Variants in PPP2R2A observed in about 807,000 individuals in gnomAD.
PPP2R2A encodes the protein protein phosphatase 2 regulatory subunit Balpha.
A neutral mutation model predicts 53.2 loss-of-function variants in PPP2R2A; 9 were observed. The observed-to-expected ratio is 0.17, with a 90% CI of 0.10 to 0.30. The LOEUF is 0.30. PPP2R2A is among the 10% of genes least tolerant of loss of function. The probability of loss-of-function intolerance (pLI) is 1.00; values close to 1 mark genes in which losing one functional copy is unlikely to be tolerated. For missense variants in PPP2R2A, 235 were observed against 534.6 expected, an observed-to-expected ratio of 0.44 and a Z score of 5.53; for synonymous variants, 169 against 174.2, an observed-to-expected ratio of 0.97 and a Z score of 0.23.
chr8:26,366,909 C>T (rs747530215), intron 9 of PPP2R2A, among the ~76,000 whole-genome samples: 33 of 151,930 alleles, frequency 2.2e-4, no homozygotes, highest in Non-Finnish European at 4.4e-4. Flanking sequence ...CCAGTTTTGC[C>T]GTAGTGTAAT....
At chr8:26,314,521 G>A (rs2117244905) in intron 2 of PPP2R2A, among the ~76,000 whole-genome samples, 1 of 152,220 alleles carries the variant, frequency 6.6e-6, no homozygotes, top group South Asian at 2.1e-4. Context: ...AGTGCTTTAT[G>A]GGAAAGGTTT....
chr8:26,369,025 A>G (rs1207642963), intron 9 of PPP2R2A, among the ~76,000 whole-genome samples: 6 of 150,388 alleles, frequency 4.0e-5, no homozygotes, highest in Admixed American at 1.3e-4. Flanking sequence ...GAAGAATGGC[A>G]TGAACCCAGG....
At chr8:26,330,455 G>A (rs2117297546) in intron 2 of PPP2R2A, among the ~76,000 whole-genome samples, 1 of 151,816 alleles carries the variant, frequency 6.6e-6, no homozygotes, top group Non-Finnish European at 1.5e-5. Context: ...GGCCTCCTGA[G>A]TAGCCGGGAC....
Position 26,360,821 on chromosome 8 carries a change from G to A in PPP2R2A, c.460-153G>A. ...TTCATTTTTTCTTCAGCACTCGAAA[G>A]GATCAACATCAGTTGCTTTTTAAAA... On this transcript the variant is annotated intron_variant, in intron 5 of 9. Coordinates refer to ENST00000380737, the MANE Select transcript of PPP2R2A (RefSeq NM_002717.4). The surrounding 1 kb of genome is among the most constrained non-coding windows in gnomAD (Gnocchi z 4.5). 1 of 636,636 alleles carries A rather than the reference G, an allele frequency of 1.6e-6. No individual in the cohort carries two copies. The highest frequency in any genetic ancestry group is 2.6e-5 in the South Asian group (1 of 39,184). 39.4% of individuals were successfully genotyped at this position (636,636 alleles called of 1,614,324 possible). A position where few individuals can be genotyped will look rare whatever the true frequency, so the allele number is the denominator to read the frequency against.
At chr8:26,306,673 G>A (rs745810859) in intron 2 of PPP2R2A, among the ~76,000 whole-genome samples, 2 of 151,828 alleles carry the variant, frequency 1.3e-5, no homozygotes, top group East Asian at 1.9e-4. Context: ...TAGTAACTAG[G>A]TTAAAAAAAT....
intron 1 of PPP2R2A, chr8:26,293,373 C>G: frequency 8.6e-7 from 1 of 1,158,912 alleles, no homozygotes; most frequent in Non-Finnish European, 1.2e-6. Context: ...TCTGGTAGGT[C>G]TTGCCTGAAT....
intron 3 of PPP2R2A, among the ~76,000 whole-genome samples, chr8:26,347,896 TTTCTC>T (rs1274624255): frequency 2.0e-5 from 3 of 152,192 alleles, no homozygotes; most frequent in African/African-American, 7.2e-5. Flanking sequence ...AGTTTTGAGA[TTTCTC>T]TTGTGTTTAT....
intron 3 of PPP2R2A, among the ~76,000 whole-genome samples, chr8:26,341,668 C>G (rs1803949125): frequency 6.6e-6 from 1 of 152,136 alleles, no homozygotes; most frequent in African/African-American, 2.4e-5. Flanking sequence ...GTTTCTTAGA[C>G]TCTGATGAGG....
chr8:26,337,698 G>A (rs2117323276), intron 2 of PPP2R2A, among the ~76,000 whole-genome samples: 1 of 152,254 alleles, frequency 6.6e-6, no homozygotes, highest in South Asian at 2.1e-4. Context: ...TTTTAACCTG[G>A]CGTTGAGTTG....
Position 26,360,766 on chromosome 8 carries a change from C to A in PPP2R2A, c.460-208C>A. The A allele has an allele frequency of 4.1e-6, 2 of 489,350 alleles. No individual in the cohort carries two copies. The highest frequency in any genetic ancestry group is 3.9e-5 in the South Asian group (1 of 25,670). 30.3% of individuals were successfully genotyped at this position (489,350 alleles called of 1,614,324 possible). A position where few individuals can be genotyped will look rare whatever the true frequency, so the allele number is the denominator to read the frequency against. On this transcript the variant is annotated intron_variant, in intron 5 of 9. Transcript: ENST00000380737. The surrounding 1 kb of genome is among the most constrained non-coding windows in gnomAD (Gnocchi z 4.5). ...ACTGCAAATTCTAATAGTATTGCAACCAGTAAAAGAAGATATATTATCCAC... is the reference window on the plus strand; with the variant it reads ...ACTGCAAATTCTAATAGTATTGCAAACAGTAAAAGAAGATATATTATCCAC...
chr8:26,369,515 C>T (rs772339500), intron 9 of PPP2R2A, among the ~76,000 whole-genome samples: 29 of 152,076 alleles, frequency 1.9e-4, no homozygotes, highest in Non-Finnish European at 3.1e-4. Flanking sequence ...CTCAGCCTCC[C>T]GAGTAGTTGG....
In PPP2R2A at chr8:26,360,301, A is replaced by G; in HGVS notation, c.459+20A>G. ...CTACGAGTAAGTACATAAGAAAAAA[A>G]TGTCACAGATAGTGCTTGTATTCAT... is the stretch of plus-strand genomic sequence containing the variant. On this transcript the variant is annotated intron_variant, in intron 5 of 9. Coordinates refer to ENST00000380737, the MANE Select transcript of PPP2R2A (RefSeq NM_002717.4). This position sits in a 1 kb window ranked among gnomAD's most constrained non-coding sequence, Gnocchi z 4.5. 7.0e-7 allele frequency: 1 copy of G among 1,436,566 alleles called. No homozygotes were observed. Among genetic ancestry groups the G allele is most frequent in the East Asian group, 2.3e-5 (1 of 43,908 alleles). The allele number at this position is 1,436,566 out of a possible 1,614,324, so 89.0% of individuals were successfully genotyped here.
chr8:26,329,652 G>A (rs1453961224), intron 2 of PPP2R2A, among the ~76,000 whole-genome samples: 1 of 152,130 alleles, frequency 6.6e-6, no homozygotes, highest in Non-Finnish European at 1.5e-5. Flanking sequence ...TTGTTCGATG[G>A]TCTGCATAGC....
intron 9 of PPP2R2A, among the ~76,000 whole-genome samples, chr8:26,369,451 C>T (rs1208572296): frequency 1.3e-5 from 2 of 151,524 alleles, no homozygotes; most frequent in Admixed American, 6.6e-5. Flanking sequence ...AGTGCAGTGG[C>T]ACGACCTTGG....
At position 26,360,934 on chromosome 8, in the gene PPP2R2A, G is replaced by T. The variant is rs764070363; in HGVS notation, c.460-40G>T. Reference sequence around the variant, plus strand: ...AATCTTAATTGCTATTTGAAACTGAGCCTTTTGTAATTTCTGTTTTTCATG... The same window carrying T: ...AATCTTAATTGCTATTTGAAACTGATCCTTTTGTAATTTCTGTTTTTCATG... On this transcript the variant is annotated intron_variant, in intron 5 of 9. Transcript: ENST00000380737. This position sits in a 1 kb window ranked among gnomAD's most constrained non-coding sequence, Gnocchi z 4.5. 8.4e-6 allele frequency: 13 copies of T among 1,547,620 alleles called. No individual in the cohort carries two copies. The highest frequency in any genetic ancestry group is 8.7e-6 in the Non-Finnish European group (10 of 1,152,706).
intron 2 of PPP2R2A, among the ~76,000 whole-genome samples, chr8:26,327,573 A>G (rs985315332): frequency 6.6e-6 from 1 of 152,228 alleles, no homozygotes; most frequent in Non-Finnish European, 1.5e-5. Context: ...CCTTTGGGAA[A>G]AATAGCAAGA....
intron 2 of PPP2R2A, among the ~76,000 whole-genome samples, chr8:26,301,509 A>C (rs1304313456): frequency 6.0e-5 from 9 of 150,720 alleles, no homozygotes; most frequent in Non-Finnish European, 1.0e-4. Context: ...GTTTTTAAAA[A>C]TTTTTTTTTG....
intron 3 of PPP2R2A, among the ~76,000 whole-genome samples, chr8:26,344,613 C>T (rs1804116786): frequency 6.6e-6 from 1 of 152,138 alleles, no homozygotes; most frequent in Admixed American, 6.5e-5. Context: ...TATGCATTTG[C>T]CCAGCCATCT....
chr8:26,326,025 C>T (rs971281549), intron 2 of PPP2R2A, among the ~76,000 whole-genome samples: 11 of 151,986 alleles, frequency 7.2e-5, no homozygotes, highest in African/African-American at 1.5e-4. Context: ...TTTGTAGAGA[C>T]GGGTTTTCGC....
Sources: allele counts gnomAD v4.1 joint callset (sites outside exome capture counted in the v4.1 genomes callset), GRCh38; gene constraint gnomAD v4.1.1; non-coding constraint Gnocchi (gnomAD v3.1); transcripts MANE v1.5; gene names NCBI Gene and HGNC (gene_info 2026-07-23, HGNC 2026-07-21).